CSPG4: variants seen among roughly 807,000 people sequenced by gnomAD.
CSPG4 encodes chondroitin sulfate proteoglycan 4.
Under a neutral mutation model 139.3 loss-of-function variants are expected in CSPG4, and 74 were observed. The ratio of observed to expected loss-of-function variants is 0.53; its 90% confidence interval spans 0.44 to 0.64. The LOEUF is 0.64. CSPG4 is among the 30% of genes least tolerant of loss of function. The probability of loss-of-function intolerance (pLI) is 0.00; values close to 1 mark genes in which losing one functional copy is unlikely to be tolerated. For missense variants in CSPG4, 2,565 were observed against 3,148.3 expected, an observed-to-expected ratio of 0.81 and a Z score of 4.43; for synonymous variants, 1,234 against 1,394.2, an observed-to-expected ratio of 0.89 and a Z score of 2.56.
intron 5 of CSPG4, among the ~76,000 whole-genome samples, chr15:75,684,132 G>A (rs879936264): frequency 2.6e-5 from 4 of 151,246 alleles, no homozygotes; most frequent in Admixed American, 2.0e-4. Flanking sequence ...CACCCCAGAA[G>A]CTGGGGTTCA....
intron 1 of CSPG4, among the ~76,000 whole-genome samples, chr15:75,694,817 C>T (rs1894206327): frequency 6.6e-6 from 1 of 152,224 alleles, no homozygotes; most frequent in African/African-American, 2.4e-5. Context: ...GAGCTTGGCG[C>T]CAGCAAGGGA....
rs1391016654 is a variant in CSPG4 at position 75,687,735 on chromosome 15, C to A, written c.3330G>T (p.Gly1110=). ...CCAGCAGCGCAGTGGCCTGGTGTTG[C>A]CCGTCGGACACCTGCAGCTGGATCC... The part of the protein sequence containing the change: ...RGWIQLQVSD[G]QHQATALLEV... Residue 1110 remains glycine (G), a synonymous_variant, in exon 3 of 10, where the codon GGG becomes GGT. Coordinates refer to ENST00000308508, the MANE Select transcript of CSPG4 (RefSeq NM_001897.5). This position sits in a 1 kb window ranked among gnomAD's most constrained non-coding sequence, Gnocchi z 5.4. 1 of 1,612,944 alleles carries A rather than the reference C, an allele frequency of 6.2e-7. No individual in the cohort carries two copies. Among genetic ancestry groups the A allele is most frequent in the South Asian group, 1.1e-5 (1 of 91,084 alleles).
chr15:75,687,317 A>T lies in CSPG4; in HGVS notation c.3748T>A (p.Phe1250Ile). Residue 1250 changes from phenylalanine (F) to isoleucine (I), a missense_variant, in exon 3 of 10, where the codon TTC becomes ATC. By Grantham distance (21) the Phe-to-Ile change is conservative. This residue lies in a region of CSPG4 where 2,316 missense variants were observed against 2,818.2 expected (regional missense o/e 0.82). Transcript: ENST00000308508. This position sits in a 1 kb window ranked among gnomAD's most constrained non-coding sequence, Gnocchi z 5.4. ...KLVRHKKIYV[F>I]QGEAAEIRRD... is the part of the protein sequence containing the mutation. ...CTGATCTCAGCTGCCTCTCCCTGGA[A>T]GACGTAGATCTTCTTGTGCCGGACC... 1 of 1,611,978 alleles carries T rather than the reference A, an allele frequency of 6.2e-7. No homozygotes were observed. Among genetic ancestry groups the T allele is most frequent in the South Asian group, 1.1e-5 (1 of 91,030 alleles).
chr15:75,687,641 G>C lies in CSPG4; in HGVS notation c.3424C>G (p.Gln1142Glu). ...AGCACGGCCGTGTCGATGGTGCCCTGGCCTCCTTGAGGGACCACAAGGCTG... is the reference window on the plus strand; with the variant it reads ...AGCACGGCCGTGTCGATGGTGCCCTCGCCTCCTTGAGGGACCACAAGGCTG... ...GSSLVVPQGGQGTIDTAVLHL... is the reference protein window; with the variant it reads ...GSSLVVPQGGEGTIDTAVLHL... The change falls in exon 3 of 10, where the codon CAG becomes GAG. Residue 1142 changes from glutamine to glutamate, a missense_variant. This residue lies in a region of CSPG4 where 2,316 missense variants were observed against 2,818.2 expected (regional missense o/e 0.82). Coordinates refer to ENST00000308508, the MANE Select transcript of CSPG4 (RefSeq NM_001897.5). The surrounding 1 kb of genome is among the most constrained non-coding windows in gnomAD (Gnocchi z 5.4). 6.2e-7 allele frequency: 1 copy of C among 1,612,762 alleles called. No homozygotes were observed. Among genetic ancestry groups the C allele is most frequent in the Non-Finnish European group, 8.5e-7 (1 of 1,179,880 alleles).
chr15:75,690,012 C>T lies in CSPG4; in HGVS notation c.1053G>A (p.Leu351=), dbSNP rs1336931772. The T allele has an allele frequency of 3.7e-6, 6 of 1,611,866 alleles. No homozygotes were observed. The highest frequency in any genetic ancestry group is 5.1e-6 in the Non-Finnish European group (6 of 1,179,546). Reference sequence around the variant, plus strand: ...CACTGAGGTCTTCCATGCAGCCCAGCAGGGAGGCATTGGTGGCCTCTGGTG... The same window carrying T: ...CACTGAGGTCTTCCATGCAGCCCAGTAGGGAGGCATTGGTGGCCTCTGGTG... ...GLTPEATNAS[L]LGCMEDLSVN... The change falls in exon 3 of 10, where the codon CTG becomes CTA. Residue 351 remains leucine, a synonymous_variant. Transcript: ENST00000308508.
chr15:75,694,259 ACTC>A (rs893817137), intron 1 of CSPG4, among the ~76,000 whole-genome samples: 2 of 151,154 alleles, frequency 1.3e-5, no homozygotes, highest in African/African-American at 2.4e-5. Context: ...CCATACTGGG[ACTC>A]CTCCTCTTTT....
intron 2 of CSPG4, among the ~76,000 whole-genome samples, chr15:75,692,316 C>T (rs1378385417): frequency 1.3e-5 from 2 of 152,282 alleles, no homozygotes; most frequent in Non-Finnish European, 2.9e-5. Flanking sequence ...GATGGGGACT[C>T]ATTGTGTGGC....
chr15:75,686,114 T>C (rs1894053904), intron 3 of CSPG4, among the ~76,000 whole-genome samples: 1 of 152,180 alleles, frequency 6.6e-6, no homozygotes, highest in Admixed American at 6.5e-5. Flanking sequence ...GCTGGTCACA[T>C]GTTAATGCCC....
At position 75,687,861 on chromosome 15, in the gene CSPG4, G is replaced by A. The variant is rs530179831; in HGVS notation, c.3204C>T (p.Ile1068=). The A allele has an allele frequency of 1.3e-5, 21 of 1,612,828 alleles. No individual in the cohort carries two copies. The highest frequency in any genetic ancestry group is 4.5e-5 in the East Asian group (2 of 44,898). ...GCCGCGTGGGCTCATCTACGGCCAC[G>A]ATACTGCCAAAGAGGAGGTCCTTGC... is the stretch of plus-strand genomic sequence containing the variant. The part of the protein sequence containing the change: ...LTRKDLLFGS[I]VAVDEPTRPI... Residue 1068 remains isoleucine (I), a synonymous_variant, in exon 3 of 10, where the codon ATC becomes ATT. Transcript: ENST00000308508. The surrounding 1 kb of genome is among the most constrained non-coding windows in gnomAD (Gnocchi z 5.4).
In CSPG4 at chr15:75,688,173, G is replaced by A. The variant is rs1566974087; in HGVS notation, c.2892C>T (p.Asp964=). 3.1e-6 allele frequency: 5 copies of A among 1,612,844 alleles called. No homozygotes were observed. The highest frequency in any genetic ancestry group is 4.2e-6 in the Non-Finnish European group (5 of 1,179,854). ...GGTAGACCAGCCGGCCACGCAACAG[G>A]TCTTCATTGGTGAAGGATGTCACCA... ...TTMVTSFTNE[D]LLRGRLVYQH... is the part of the protein sequence containing the mutation. The change falls in exon 3 of 10, where the codon GAC becomes GAT. Residue 964 remains aspartate (D), a synonymous_variant. Coordinates refer to ENST00000308508, the MANE Select transcript of CSPG4 (RefSeq NM_001897.5).
At position 75,677,700 on chromosome 15, in the gene CSPG4, C is replaced by G; in HGVS notation, c.5134+3G>C. ...AATCTTGCCAGCTTATCATGCTGTT[C>G]ACCTTTGTTCTTCCAGAGGTGGCTG... is the stretch of plus-strand genomic sequence containing the variant. On this transcript the variant is annotated splice_donor_region_variant and intron_variant, in intron 9 of 9. Transcript: ENST00000308508. 3 of 1,595,090 alleles carry G rather than the reference C, an allele frequency of 1.9e-6. No homozygotes were observed. The highest frequency in any genetic ancestry group is 2.6e-6 in the Non-Finnish European group (3 of 1,171,488).
At chr15:75,683,109 G>C in intron 5 of CSPG4, 68 bp from the exon 6 acceptor site, 3 of 1,468,952 alleles carry the variant, frequency 2.0e-6, no homozygotes, top group Admixed American at 3.8e-5. Context: ...CCGGCCCTGG[G>C]CTGCCACCAG....
chr15:75,684,971 T>C (rs1205394536), intron 4 of CSPG4, 59 bp from the exon 5 acceptor site: 1 of 1,523,994 alleles, frequency 6.6e-7, no homozygotes, highest in African/African-American at 1.4e-5. Flanking sequence ...TGCCCTGCCT[T>C]TGGGTGCAGG....
At position 75,690,089 on chromosome 15, in the gene CSPG4, C is replaced by T. The variant is rs1410901176; in HGVS notation, c.976G>A (p.Gly326Arg). The T allele has an allele frequency of 1.9e-6, 3 of 1,612,134 alleles. No homozygotes were observed. The highest frequency in any genetic ancestry group is 2.7e-5 in the African/African-American group (2 of 74,916). The change falls in exon 3 of 10, where the codon GGG (glycine) becomes AGG (arginine). Residue 326 changes from glycine to arginine, a missense_variant. Physicochemically the swap from Gly to Arg is moderately radical, Grantham distance 125 (BLOSUM62 -2). Transcript: ENST00000308508. ...LEPRGSLLLGGLDAEASRHLQ... is the reference protein window; with the variant it reads ...LEPRGSLLLGRLDAEASRHLQ... Reference sequence around the variant, plus strand: ...TGACGAGAGGCCTCTGCATCCAGCCCCCCGAGAAGGAGACTGCCCCGTGGC... The same window carrying T: ...TGACGAGAGGCCTCTGCATCCAGCCTCCCGAGAAGGAGACTGCCCCGTGGC...
chr15:75,688,981 T>A lies in CSPG4; in HGVS notation c.2084A>T (p.Gln695Leu). 6.2e-7 allele frequency: 1 copy of A among 1,612,474 alleles called. No individual in the cohort carries two copies. ...NLSVETNAVG[Q>L]DVSVLFRVTG... ...GACGCGGAACAGCACGCTCACATCC[T>A]GCCCCACGGCATTGGTCTCCACCGA... The change falls in exon 3 of 10, where the codon CAG (glutamine) becomes CTG (leucine). Residue 695 changes from glutamine to leucine, a missense_variant. By Grantham distance (113) the Gln-to-Leu change is moderately radical. This residue lies in a region of CSPG4 where 2,316 missense variants were observed against 2,818.2 expected (regional missense o/e 0.82). Transcript: ENST00000308508.
At chr15:75,678,949 C>G in intron 8 of CSPG4, 2 of 360,608 alleles carry the variant, frequency 5.5e-6, no homozygotes, top group Non-Finnish European at 1.1e-5. Flanking sequence ...ATACTTCACT[C>G]TGGGGTTCCT....
At chr15:75,712,902 C>A, upstream of CSPG4, 2 of 595,810 alleles carry the variant, frequency 3.4e-6, no homozygotes, top group Non-Finnish European at 5.6e-6. Flanking sequence ...CAGGCGCAGA[C>A]CCGCGCGCCC....
At position 75,675,415 on chromosome 15, in the gene CSPG4, AC is replaced by A; in HGVS notation, c.*134del. Reference sequence around the variant, plus strand: ...CGGACCCCTGGGACTATCTCCCAGGACCCTCCACCCCTGGTGTCTCCAGGTC... The same window carrying A: ...CGGACCCCTGGGACTATCTCCCAGGACCTCCACCCCTGGTGTCTCCAGGTC... On this transcript the variant is annotated 3_prime_UTR_variant, in exon 10 of 10. Coordinates refer to ENST00000308508, the MANE Select transcript of CSPG4 (RefSeq NM_001897.5). 3 of 973,358 alleles carry A rather than the reference AC, an allele frequency of 3.1e-6. No homozygotes were observed. Among genetic ancestry groups the A allele is most frequent in the Non-Finnish European group, 4.1e-6 (3 of 731,550 alleles). The allele number at this position is 973,358 out of a possible 1,614,324, so 60.3% of individuals were successfully genotyped here. A position where few individuals can be genotyped will look rare whatever the true frequency, so the allele number is the denominator to read the frequency against.
At position 75,689,774 on chromosome 15, in the gene CSPG4, G is replaced by A. The variant is rs374073065; in HGVS notation, c.1291C>T (p.Leu431=). The change falls in exon 3 of 10, where the codon CTG becomes TTG. Residue 431 remains leucine (L), a synonymous_variant. Transcript: ENST00000308508. The part of the protein sequence containing the change: ...LPPVFANFTQ[L]LTISPLVVAE... ...ACCACCAGTGGGCTGATAGTCAGCA[G>A]CTGGGTGAAATTGGCAAAGACAGGA... 3 of 1,612,624 alleles carry A rather than the reference G, an allele frequency of 1.9e-6. No individual in the cohort carries two copies. Among genetic ancestry groups the A allele is most frequent in the Admixed American group, 1.7e-5 (1 of 60,014 alleles).
Sources: allele counts gnomAD v4.1 joint callset (sites outside exome capture counted in the v4.1 genomes callset), GRCh38; gene constraint gnomAD v4.1.1; regional missense constraint gnomAD v4.1.1; non-coding constraint Gnocchi (gnomAD v3.1); transcripts MANE v1.5; gene names NCBI Gene and HGNC (gene_info 2026-07-23, HGNC 2026-07-21).